The following SYT9 variants were observed in gnomAD, a reference collection of about 807,000 sequenced individuals.
The protein encoded by SYT9 is synaptotagmin 9.
SYT9 carries 22 observed loss-of-function variants against 48.4 expected under a neutral mutation model. The observed-to-expected ratio is 0.45, with a 90% CI of 0.32 to 0.65. The LOEUF (loss-of-function observed/expected upper bound fraction) is 0.65, where lower values mean the gene tolerates loss of function less well. SYT9 is among the 30% of genes least tolerant of loss of function. The pLI, the probability that SYT9 is intolerant of heterozygous loss-of-function variation, is 0.03. For synonymous variants in SYT9, 265 were observed against 245.0 expected, an observed-to-expected ratio of 1.08 and a Z score of -0.76; for missense variants, 577 against 622.0, an observed-to-expected ratio of 0.93 and a Z score of 0.77.
intron 1 of SYT9, among the ~76,000 whole-genome samples, chr11:7,290,421 A>C (rs1468713125): frequency 6.6e-6 from 1 of 152,208 alleles, no homozygotes; most frequent in East Asian, 1.9e-4. Context: ...AATTTAATAC[A>C]TGATGCTTGT....
At chr11:7,407,729 G>C (rs1847048733) in intron 3 of SYT9, among the ~76,000 whole-genome samples, 1 of 152,146 alleles carries the variant, frequency 6.6e-6, no homozygotes, top group South Asian at 2.1e-4. Flanking sequence ...AGAAGCCATA[G>C]GTATCCAGTT....
intron 3 of SYT9, among the ~76,000 whole-genome samples, chr11:7,398,126 G>A (rs1309762361): frequency 6.6e-6 from 1 of 152,048 alleles, no homozygotes; most frequent in African/African-American, 2.4e-5. Context: ...CCTAAGAGAA[G>A]GAAGTCTCCT....
intron 3 of SYT9, among the ~76,000 whole-genome samples, chr11:7,375,523 T>C (rs1232294740): frequency 6.6e-6 from 1 of 152,162 alleles, no homozygotes; most frequent in Non-Finnish European, 1.5e-5. Context: ...GCCATTTTCA[T>C]GATATTGATT....
chr11:7,410,964 C>T (rs1046019925), intron 3 of SYT9, among the ~76,000 whole-genome samples: 1 of 152,178 alleles, frequency 6.6e-6, no homozygotes, highest in Non-Finnish European at 1.5e-5. Context: ...AAGTGATTCT[C>T]CTGCCTCAGC....
intron 3 of SYT9, among the ~76,000 whole-genome samples, chr11:7,357,797 CTA>C (rs1850049987): frequency 6.6e-6 from 1 of 152,088 alleles, no homozygotes; most frequent in Non-Finnish European, 1.5e-5. Flanking sequence ...TTATCCAGCT[CTA>C]TGAAAACCAA....
At chr11:7,260,085 A>T (rs1450981736) in intron 1 of SYT9, among the ~76,000 whole-genome samples, 4 of 152,148 alleles carry the variant, frequency 2.6e-5, no homozygotes, top group South Asian at 4.1e-4. Context: ...TCTAGTTATA[A>T]TTAAGTTAAA....
intron 3 of SYT9, among the ~76,000 whole-genome samples, chr11:7,394,240 C>A (rs1362642016): frequency 6.6e-6 from 1 of 151,824 alleles, no homozygotes; most frequent in Non-Finnish European, 1.5e-5. Context: ...TGATAGTTTG[C>A]TGAGAATGAT....
At chr11:7,351,333 G>A (rs535796447) in intron 3 of SYT9, among the ~76,000 whole-genome samples, 1 of 152,310 alleles carries the variant, frequency 6.6e-6, no homozygotes, top group East Asian at 1.9e-4. Flanking sequence ...GCTAGCCAGG[G>A]TCAAGCTCCC....
intron 3 of SYT9, among the ~76,000 whole-genome samples, chr11:7,342,618 G>A (rs1849733317): frequency 6.6e-6 from 1 of 152,208 alleles, no homozygotes; most frequent in Non-Finnish European, 1.5e-5. Context: ...TCGTGGGCTG[G>A]CATTAAGTGT....
chr11:7,424,757 G>A (rs1260437922), intron 6 of SYT9, among the ~76,000 whole-genome samples: 5 of 152,156 alleles, frequency 3.3e-5, no homozygotes, highest in South Asian at 2.1e-4. Context: ...TACTCAAGGC[G>A]TGCCCCATTT....
intron 6 of SYT9, chr11:7,441,670 T>C (rs913943128): frequency 3.3e-5 from 5 of 152,180 alleles, no homozygotes; most frequent in Admixed American, 2.0e-4. Context: ...GTCTAGGCAT[T>C]GCATCCAGAC....
intron 3 of SYT9, among the ~76,000 whole-genome samples, chr11:7,378,477 C>T (rs1443780350): frequency 6.6e-6 from 1 of 151,958 alleles, no homozygotes; most frequent in Non-Finnish European, 1.5e-5. Context: ...AATCAGCACA[C>T]ATTTTACAGT....
At chr11:7,439,387 G>A (rs1265068186) in intron 6 of SYT9, 2 of 152,300 alleles carry the variant, frequency 1.3e-5, no homozygotes, top group African/African-American at 4.8e-5. Flanking sequence ...TGATAGGAGG[G>A]AGGAGCGTGT....
intron 3 of SYT9, among the ~76,000 whole-genome samples, chr11:7,338,257 C>A (rs1445848966): frequency 6.6e-6 from 1 of 152,058 alleles, no homozygotes; most frequent in African/African-American, 2.4e-5. Flanking sequence ...CTTTATTAAT[C>A]TAACTAGTGA....
chr11:7,312,046 G>A (rs1289540379), intron 2 of SYT9, among the ~76,000 whole-genome samples: 2 of 152,092 alleles, frequency 1.3e-5, no homozygotes, highest in Non-Finnish European at 2.9e-5. Context: ...TTTTGTGCAT[G>A]TGGGAATGTA....
chr11:7,244,396 T>C (rs545851569), intron 1 of SYT9, among the ~76,000 whole-genome samples: 2 of 152,286 alleles, frequency 1.3e-5, no homozygotes, highest in Non-Finnish European at 1.5e-5. Flanking sequence ...TTGCTTTTAT[T>C]TCATCTCTCA....
rs1183109539 is a variant in SYT9, at chr11:7,303,063, T to C, written c.170T>C (p.Leu57Pro). Residue 57 changes from leucine to proline, a missense_variant, in exon 2 of 7, where the codon CTT becomes CCT. Coordinates refer to ENST00000318881, the MANE Select transcript of SYT9 (RefSeq NM_175733.4). ...GATATCTCAGTGAGCCTGCTGACCC[T>C]TGTGGTCACTGCCTGTGGTCTCGCT... ...DPDISVSLLTLVVTACGLALF... is the reference protein window; with the variant it reads ...DPDISVSLLTPVVTACGLALF... 1 of 1,614,106 alleles carries C rather than the reference T, an allele frequency of 6.2e-7. No homozygotes were observed. The highest frequency in any genetic ancestry group is 2.2e-5 in the East Asian group (1 of 44,896).
At chr11:7,458,202 C>T (rs886966270) in intron 6 of SYT9, among the ~76,000 whole-genome samples, 18 of 152,112 alleles carry the variant, frequency 1.2e-4, no homozygotes, top group African/African-American at 2.9e-4. Context: ...AAAATAGGGC[C>T]GGGTGCGGTG....
intron 3 of SYT9, among the ~76,000 whole-genome samples, chr11:7,407,079 T>C (rs1288018418): frequency 6.6e-6 from 1 of 152,180 alleles, no homozygotes; most frequent in Non-Finnish European, 1.5e-5. Flanking sequence ...TTGTTTGAGT[T>C]CCTTTTATAT....
Sources: allele counts gnomAD v4.1 joint callset (sites outside exome capture counted in the v4.1 genomes callset), GRCh38; gene constraint gnomAD v4.1.1; transcripts MANE v1.5; gene names NCBI Gene and HGNC (gene_info 2026-07-23, HGNC 2026-07-21).